The following RYR1 variants were observed in gnomAD, a reference collection of about 807,000 sequenced individuals.
The protein encoded by RYR1 is central core disease of muscle.
Under a neutral mutation model 583.5 loss-of-function variants are expected in RYR1, and 342 were observed. The ratio of observed to expected loss-of-function variants is 0.59; its 90% CI spans 0.54 to 0.64. The LOEUF is 0.64. RYR1 is among the 30% of genes least tolerant of loss of function. The pLI, the probability that RYR1 is intolerant of heterozygous loss-of-function variation, is 0.00. For synonymous variants in RYR1, 2,791 were observed against 2,822.5 expected (o/e 0.99, Z 0.35); for missense variants, 6,032 against 6,917.2 (o/e 0.87, Z 4.54).
At position 38,511,595 on chromosome 19, in the gene RYR1, C is replaced by T. The variant is rs1374378105; in HGVS notation, c.9157C>T (p.Arg3053Ter). The change falls in exon 61 of 106, where the codon CGA becomes TGA. Residue 3053 changes from arginine (R) to a stop codon, truncating the protein, a stop_gained. Coordinates refer to ENST00000359596, the MANE Select transcript of RYR1 (RefSeq NM_000540.3). LOFTEE classifies it high-confidence loss of function. ...CAAACTTGCTGCTCTCGTCCGCCAC[C>T]GAGTCTCTCTCTTTGGTAAGTGGCT... The part of the protein sequence containing the change: ...FCKLAALVRH[R>*]VSLFGTDAPA... The T allele has an allele frequency of 6.8e-6, 11 of 1,613,944 alleles. No homozygotes were observed. In the Admixed American group the frequency reaches 8.3e-5, roughly 12 times the overall value.
chr19:38,548,438 TGTGGGCCCAGGACTTGG>T lies in RYR1; in HGVS notation c.12282+24_12282+40del. The T allele has an allele frequency of 5.0e-6, 8 of 1,611,234 alleles. No homozygotes were observed. The highest frequency in any genetic ancestry group is 6.8e-6 in the Non-Finnish European group (8 of 1,177,664). Reference sequence around the variant, plus strand: ...TCCAGAAGGTGGGTGTGGGACATCGTGTGGGCCCAGGACTTGGGTGGGGTTGCCAAGGGCCAGCCATA... The same window carrying T: ...TCCAGAAGGTGGGTGTGGGACATCGTGTGGGGTTGCCAAGGGCCAGCCATA... On this transcript the variant is annotated intron_variant, in intron 89 of 105. Transcript: ENST00000359596.
chr19:38,464,064 G>A (rs976720043), intron 22 of RYR1, among the ~76,000 whole-genome samples: 1 of 151,964 alleles, frequency 6.6e-6, no homozygotes, highest in Non-Finnish European at 1.5e-5. Context: ...ATCACTTGAG[G>A]TCAGCAGTTC....
At position 38,473,780 on chromosome 19, in the gene RYR1, AG is replaced by A; in HGVS notation, c.4160+15del. On this transcript the variant is annotated intron_variant, in intron 28 of 105. Coordinates refer to ENST00000359596, the MANE Select transcript of RYR1 (RefSeq NM_000540.3). ...AAGAACAAGAAGAGAGGGTGAGTCG[AG>A]GGGGGCCCAGAGTGGGGATTGGGGG... The A allele has an allele frequency of 1.3e-6, 2 of 1,506,442 alleles. No homozygotes were observed. Among genetic ancestry groups the A allele is most frequent in the Non-Finnish European group, 1.8e-6 (2 of 1,125,906 alleles). The allele number at this position is 1,506,442 out of a possible 1,614,324, so 93.3% of individuals were successfully genotyped here. A position where few individuals can be genotyped will look rare whatever the true frequency, so the allele number is the denominator to read the frequency against.
At chr19:38,581,662 G>A (rs865987615) in intron 101 of RYR1, among the ~76,000 whole-genome samples, 8 of 152,078 alleles carry the variant, frequency 5.3e-5, no homozygotes, top group South Asian at 4.2e-4. Flanking sequence ...GCAGTGACAT[G>A]ACCTCAGCTT....
At chr19:38,438,413 G>A (rs1034536988) in intron 1 of RYR1, among the ~76,000 whole-genome samples, 3 of 147,542 alleles carry the variant, frequency 2.0e-5, no homozygotes, top group African/African-American at 5.0e-5. Context: ...TTTGAGACAT[G>A]GTCTCAATCT....
intron 84 of RYR1, among the ~76,000 whole-genome samples, chr19:38,541,290 T>C (rs1481328216): frequency 6.6e-6 from 1 of 152,226 alleles, no homozygotes; most frequent in Non-Finnish European, 1.5e-5. Context: ...TCTTCTTTTG[T>C]AGTTAACTAG....
chr19:38,575,984 G>T lies in RYR1; in HGVS notation c.14172+23G>T, dbSNP rs560122604. On this transcript the variant is annotated intron_variant, in intron 97 of 105. Coordinates refer to ENST00000359596, the MANE Select transcript of RYR1 (RefSeq NM_000540.3). ...AAGGTGAGAGGACATGGATGCCCTG[G>T]GTCCTGGATTGGGTCCCTGCCTGCC... The T allele has an allele frequency of 6.2e-6, 10 of 1,613,904 alleles. No homozygotes were observed. In the East Asian group the frequency reaches 1.6e-4, roughly 25 times the overall value.
At chr19:38,454,484 G>A (rs1192194514) in intron 13 of RYR1, among the ~76,000 whole-genome samples, 3 of 152,196 alleles carry the variant, frequency 2.0e-5, no homozygotes, top group African/African-American at 7.2e-5. Context: ...TAAGGCATGA[G>A]TTATAGTACT....
Position 38,472,316 on chromosome 19 carries a change from G to A in RYR1, c.3766-1061G>A, listed in dbSNP as rs12983190. 7.1e-3 allele frequency among the ~76,000 whole-genome samples: 1,087 copies of A among 152,066 alleles called. 12 individuals carry two copies. The highest frequency in any genetic ancestry group is 0.024 in the African/African-American group (990 of 41,490). Reference sequence around the variant, plus strand: ...AGGTTTCACCATGCTGGCCAGGCTGGTCTCAAACTCCTGACCTCAGGTGAT... The same window carrying A: ...AGGTTTCACCATGCTGGCCAGGCTGATCTCAAACTCCTGACCTCAGGTGAT... On this transcript the variant is annotated intron_variant, in intron 27 of 105. Transcript: ENST00000359596.
chr19:38,558,181 G>T (rs929322804), intron 89 of RYR1, among the ~76,000 whole-genome samples: 11 of 151,712 alleles, frequency 7.3e-5, no homozygotes, highest in African/African-American at 2.7e-4. Flanking sequence ...GGGTATGGTG[G>T]TGCATGCCTG....
intron 100 of RYR1, 114 bp from the exon 101 acceptor site, chr19:38,580,256 G>A: frequency 6.3e-7 from 1 of 1,589,258 alleles, no homozygotes; most frequent in Non-Finnish European, 8.6e-7. Flanking sequence ...CCGGGGGTGT[G>A]TGGGGCAGCA....
At chr19:38,559,485 C>T (rs866450609) in intron 89 of RYR1, among the ~76,000 whole-genome samples, 5 of 151,932 alleles carry the variant, frequency 3.3e-5, no homozygotes, top group South Asian at 2.1e-4. Context: ...CCACCCGCCT[C>T]GGCCTCCCAA....
At chr19:38,571,920 C>T (rs1973731954) in intron 94 of RYR1, 99 bp from the exon 95 acceptor site, 1 of 1,543,726 alleles carries the variant, frequency 6.5e-7, no homozygotes, top group Non-Finnish European at 8.9e-7. Context: ...AAGACTGTAT[C>T]TGGTATGGTC....
chr19:38,448,473 C>A lies in RYR1; in HGVS notation c.919C>A (p.His307Asn). 6.2e-7 allele frequency: 1 copy of A among 1,614,008 alleles called. No individual in the cohort carries two copies. Among genetic ancestry groups the A allele is most frequent in the Non-Finnish European group, 8.5e-7 (1 of 1,180,008 alleles). Residue 307 changes from histidine to asparagine, a missense_variant, in exon 10 of 106, where the codon CAC becomes AAC. His to Asn is a moderately conservative substitution (Grantham distance 68, BLOSUM62 1). Transcript: ENST00000359596. ...GLVVVDASKA[H>N]TKATSFCFRI... Reference sequence around the variant, plus strand: ...GGTGGTGGTTGACGCCAGCAAGGCTCACACCAAGGCTACCTCCTTCTGCTT... The same window carrying A: ...GGTGGTGGTTGACGCCAGCAAGGCTAACACCAAGGCTACCTCCTTCTGCTT...
At chr19:38,452,563 C>G (rs934884874) in intron 12 of RYR1, among the ~76,000 whole-genome samples, 9 of 152,204 alleles carry the variant, frequency 5.9e-5, no homozygotes, top group African/African-American at 2.2e-4. Context: ...CCCCTGACAC[C>G]CAGAGCCTGG....
chr19:38,536,416 G>A (rs954529485), intron 82 of RYR1, among the ~76,000 whole-genome samples: 7 of 151,052 alleles, frequency 4.6e-5, no homozygotes, highest in Non-Finnish European at 7.4e-5. Flanking sequence ...GGTTAATCGC[G>A]TCTCCTCTTT....
At chr19:38,529,786 C>T (rs1170070442) in intron 76 of RYR1, among the ~76,000 whole-genome samples, 1 of 152,040 alleles carries the variant, frequency 6.6e-6, no homozygotes, top group Admixed American at 6.6e-5. Context: ...ATGCAGATGG[C>T]GCAGCTGCTG....
intron 101 of RYR1, 100 bp from the exon 102 acceptor site, chr19:38,584,843 T>C: frequency 1.4e-6 from 2 of 1,435,686 alleles, no homozygotes; most frequent in South Asian, 2.4e-5. Context: ...CAGGGCTGTC[T>C]CAGTCGTTAC....
intron 98 of RYR1, 25 bp downstream of exon 98, chr19:38,578,073 G>A: frequency 1.2e-6 from 2 of 1,613,952 alleles, no homozygotes; most frequent in Non-Finnish European, 1.7e-6. Context: ...CCCCTGCACA[G>A]GCCTGGGGCA....
Sources: allele counts gnomAD v4.1 joint callset (sites outside exome capture counted in the v4.1 genomes callset), GRCh38; gene constraint gnomAD v4.1.1; transcripts MANE v1.5; gene names NCBI Gene and HGNC (gene_info 2026-07-23, HGNC 2026-07-21).